Variants in ZNF532 observed in about 807,000 individuals in gnomAD.
The protein encoded by ZNF532 is zinc finger protein 532.
A neutral mutation model predicts 89.3 loss-of-function variants in ZNF532; 22 were observed. The observed-to-expected ratio is 0.25, with a 90% CI of 0.18 to 0.35. The LOEUF is 0.35. Ranked by LOEUF, ZNF532 falls within the 10% of genes least tolerant of loss-of-function variation. The pLI is 1.00. For missense variants in ZNF532, 1,132 were observed against 1,643.4 expected (o/e 0.69, Z 5.38); for synonymous variants, 606 against 649.6 (o/e 0.93, Z 1.02).
intron 2 of ZNF532, among the ~76,000 whole-genome samples, chr18:58,865,967 C>T (rs1424526212): frequency 1.3e-5 from 2 of 152,164 alleles, no homozygotes; most frequent in Non-Finnish European, 2.9e-5. Flanking sequence ...GCCTAGCCAC[C>T]TTTTTAGGAT....
intron 7 of ZNF532, among the ~76,000 whole-genome samples, chr18:58,969,873 C>CTTTTTTTTTT (rs10617418): frequency 3.5e-5 from 3 of 84,712 alleles, no homozygotes; most frequent in African/African-American, 5.7e-5. Context: ...ATATTTGTCC[C>CTTTTTTTTTT]TTTTTTTTTT....
At chr18:58,901,550 G>A (rs1310921904) in intron 2 of ZNF532, among the ~76,000 whole-genome samples, 1 of 152,208 alleles carries the variant, frequency 6.6e-6, no homozygotes, top group Non-Finnish European at 1.5e-5. Context: ...TGATGCATTT[G>A]CTCTTTAGCC....
chr18:58,968,617 C>T (rs1259656715), intron 7 of ZNF532, among the ~76,000 whole-genome samples: 1 of 152,328 alleles, frequency 6.6e-6, no homozygotes, highest in East Asian at 1.9e-4. Context: ...CCCTGGAATC[C>T]ATGGCAGGTA....
chr18:58,923,204 C>T (rs1163722592), intron 3 of ZNF532, among the ~76,000 whole-genome samples: 2 of 152,004 alleles, frequency 1.3e-5, no homozygotes, highest in Admixed American at 6.6e-5. Context: ...AGCTCACCAG[C>T]GAAGGGCGTT....
chr18:58,948,367 C>T, intron 6 of ZNF532, 138 bp downstream of exon 6: 4 of 770,288 alleles, frequency 5.2e-6, no homozygotes, highest in Non-Finnish European at 8.2e-6. Flanking sequence ...TGTCAGTGAG[C>T]AACTTACATG....
At position 58,984,251 on chromosome 18, in the gene ZNF532, C is replaced by T; in HGVS notation, c.3691C>T (p.Pro1231Ser). 1 of 1,611,960 alleles carries T rather than the reference C, an allele frequency of 6.2e-7. No homozygotes were observed. The highest frequency in any genetic ancestry group is 8.5e-7 in the Non-Finnish European group (1 of 1,179,844). Residue 1231 changes from proline to serine, a missense_variant, in exon 10 of 10, where the codon CCT becomes TCT. Physicochemically the swap from Pro to Ser is moderately conservative, Grantham distance 74. This residue lies in a region of ZNF532 where 415 missense variants were observed against 604.8 expected (regional missense o/e 0.69). Coordinates refer to ENST00000591808, the MANE Select transcript of ZNF532 (RefSeq NM_001375912.1). ...HLFIVHKLKE[P>S]QPVSKQNGAG... ...CTTCATCGTACACAAGTTAAAGGAA[C>T]CTCAGCCAGTGTCCAAGCAAAATGG...
At chr18:58,868,080 G>A (rs1412613193) in intron 2 of ZNF532, among the ~76,000 whole-genome samples, 3 of 152,194 alleles carry the variant, frequency 2.0e-5, no homozygotes, top group Admixed American at 6.5e-5. Flanking sequence ...GTGCAATACA[G>A]TCGCTCTCCA....
intron 3 of ZNF532, among the ~76,000 whole-genome samples, chr18:58,929,702 A>AT (rs1326347852): frequency 1.3e-5 from 2 of 152,250 alleles, no homozygotes; most frequent in South Asian, 2.1e-4. Context: ...CTTATTAGGG[A>AT]TTTTTTTGCG....
At position 58,924,195 on chromosome 18, in the gene ZNF532, C is replaced by T. The variant is rs141999608; in HGVS notation, c.2346+3562C>T. On this transcript the variant is annotated intron_variant, in intron 3 of 9. Coordinates refer to ENST00000591808, the MANE Select transcript of ZNF532 (RefSeq NM_001375912.1). ...ATTTTAACACTTTAACTCCATTTCC[C>T]CATTGACCTCCACATTCTTGGTAGC... is the stretch of plus-strand genomic sequence containing the variant. 6.8e-3 allele frequency among the ~76,000 whole-genome samples: 1,030 copies of T among 152,300 alleles called. 12 individuals carry two copies. Among genetic ancestry groups the T allele is most frequent in the African/African-American group, 0.019 (775 of 41,554 alleles).
chr18:58,917,563 C>T (rs2060695271), intron 2 of ZNF532, among the ~76,000 whole-genome samples: 1 of 152,160 alleles, frequency 6.6e-6, no homozygotes, highest in South Asian at 2.1e-4. Context: ...ATTCATATAT[C>T]CTTCATGTTT....
intron 7 of ZNF532, among the ~76,000 whole-genome samples, chr18:58,974,721 C>T (rs1209355629): frequency 1.3e-5 from 2 of 152,208 alleles, no homozygotes; most frequent in Non-Finnish European, 2.9e-5. Context: ...CTGTGGGTCA[C>T]ATCCATCCAC....
In ZNF532 at chr18:58,981,479, A is replaced by G; in HGVS notation, c.3273A>G (p.Pro1091=). The G allele has an allele frequency of 1.2e-6, 2 of 1,612,778 alleles. No homozygotes were observed. Among genetic ancestry groups the G allele is most frequent in the Non-Finnish European group, 1.7e-6 (2 of 1,179,904 alleles). Residue 1091 remains proline, a synonymous_variant, in exon 9 of 10, where the codon CCA becomes CCG. Transcript: ENST00000591808. ...GCCTTTCACCCCACAGGCACTGCCC[A>G]GACTCCAGACGTACCTTTACCAAAC... The part of the protein sequence containing the change: ...IRKVYACSHC[P]DSRRTFTKRL...
intron 2 of ZNF532, among the ~76,000 whole-genome samples, chr18:58,879,631 CA>C (rs1282383649): frequency 6.6e-6 from 1 of 152,180 alleles, no homozygotes; most frequent in Non-Finnish European, 1.5e-5. Flanking sequence ...CATTGTGAGC[CA>C]CCTGCCCCAG....
At chr18:58,922,267 G>T (rs147760154) in intron 3 of ZNF532, among the ~76,000 whole-genome samples, 2 of 152,178 alleles carry the variant, frequency 1.3e-5, no homozygotes, top group Non-Finnish European at 2.9e-5. Context: ...TGTTTATGCC[G>T]CAATTCAGAA....
intron 2 of ZNF532, among the ~76,000 whole-genome samples, chr18:58,885,734 A>G (rs1205125889): frequency 1.3e-5 from 2 of 151,914 alleles, no homozygotes; most frequent in East Asian, 4.0e-4. Flanking sequence ...GGCACCTGTA[A>G]TCCCAGCTAC....
upstream of ZNF532, chr18:58,863,762 C>T (rs1263541991): frequency 2.0e-5 from 3 of 151,674 alleles, no homozygotes; most frequent in Admixed American, 6.6e-5. Context: ...TGGGTGTGCG[C>T]CTCTGGGGGT....
Position 58,984,044 on chromosome 18 carries a change from C to G in ZNF532, c.3484C>G (p.Pro1162Ala), listed in dbSNP as rs2068160437. 1 of 1,611,898 alleles carries G rather than the reference C, an allele frequency of 6.2e-7. No individual in the cohort carries two copies. The highest frequency in any genetic ancestry group is 8.5e-7 in the Non-Finnish European group (1 of 1,179,848). ...GCCTCCCCGAGGAGCAATCACTCAACCACTGAAAAAGCTGAAAATCAATGT... is the reference window on the plus strand; with the variant it reads ...GCCTCCCCGAGGAGCAATCACTCAAGCACTGAAAAAGCTGAAAATCAATGT... ...FRPPRGAITQ[P>A]LKKLKINVFK... The change falls in exon 10 of 10, where the codon CCA becomes GCA. Residue 1162 changes from proline to alanine, a missense_variant. Physicochemically the swap from Pro to Ala is conservative, Grantham distance 27. Transcript: ENST00000591808.
chr18:58,943,967 A>T (rs1228229868), intron 5 of ZNF532, among the ~76,000 whole-genome samples: 2 of 152,260 alleles, frequency 1.3e-5, no homozygotes, highest in Non-Finnish European at 2.9e-5. Context: ...AAATTAGAAT[A>T]GCAGCATGAG....
intron 7 of ZNF532, among the ~76,000 whole-genome samples, chr18:58,954,854 A>T (rs1489434366): frequency 6.6e-6 from 1 of 151,930 alleles, no homozygotes. Context: ...CTGGGATTAC[A>T]GATGTGCACC....
Sources: allele counts gnomAD v4.1 joint callset (sites outside exome capture counted in the v4.1 genomes callset), GRCh38; gene constraint gnomAD v4.1.1; regional missense constraint gnomAD v4.1.1; transcripts MANE v1.5; gene names NCBI Gene and HGNC (gene_info 2026-07-23, HGNC 2026-07-21).